MED14: variants seen among roughly 807,000 people sequenced by gnomAD.
MED14 encodes mediator complex subunit 14.
In MED14, 8 loss-of-function variants were observed where a neutral mutation model predicts 109.0. That is an observed-to-expected ratio of 0.07 (90% CI 0.04 to 0.13). The LOEUF is 0.13. MED14 is among the 10% of genes least tolerant of loss of function. MED14 has a pLI of 1.00. For synonymous variants in MED14, 399 were observed against 408.7 expected (o/e 0.98, Z 0.29); for missense variants, 711 against 1,142.4 (o/e 0.62, Z 5.44).
Position 40,713,801 on chromosome X carries a change from G to A in MED14, c.629C>T (p.Pro210Leu). The A allele has an allele frequency of 8.3e-7, 1 of 1,211,078 alleles. No homozygotes were observed. Among genetic ancestry groups the A allele is most frequent in the Non-Finnish European group, 1.1e-6 (1 of 895,003 alleles). Residue 210 changes from proline to leucine, a missense_variant, in exon 5 of 31, where the codon CCT becomes CTT. By Grantham distance (98) the Pro-to-Leu change is moderately conservative. This residue lies in a region of MED14 where 388 missense variants were observed against 517.3 expected (regional missense o/e 0.75). Transcript: ENST00000324817. ...ACCAACTGTAAGATTTGCTAACTGA[G>A]GAGGAAGATCTGTGGTTACAAGCCG... The part of the protein sequence containing the change: ...RHRLVTTDLP[P>L]QLANLTVANG...
At chrX:40,665,936 G>A (rs1049658096) in intron 24 of MED14, among the ~76,000 whole-genome samples, 4 of 112,136 alleles carry the variant, frequency 3.6e-5, no homozygotes, top group Admixed American at 2.8e-4. Context: ...CCAGACAAGC[G>A]GATATTATTA....
intron 1 of MED14, among the ~76,000 whole-genome samples, chrX:40,733,588 G>A (rs5918034): frequency 0.36 from 40,315 of 110,873 alleles, 7,730 homozygotes; most frequent in African/African-American, 0.75. Context: ...GCTTGGACCA[G>A]CACTTGGTGG....
At position 40,721,764 on chromosome X, in the gene MED14, C is replaced by T. The variant is rs1234630705; in HGVS notation, c.348+4982G>A. On this transcript the variant is annotated intron_variant, in intron 3 of 30. Transcript: ENST00000324817. ...CCTAGTGGTGGTGGCCATATGGGTG[C>T]TTACATCACCATACCCCCAGTTCCA... Among the ~76,000 whole-genome samples, 3 of 112,471 alleles carry T rather than the reference C, an allele frequency of 2.7e-5. No homozygotes were observed. The Admixed American group carries it at 2.8e-4, about 11-fold the overall frequency.
At chrX:40,672,156 C>T (rs1929751614) in intron 22 of MED14, among the ~76,000 whole-genome samples, 184 bp from the exon 23 acceptor site, 1 of 112,064 alleles carries the variant, frequency 8.9e-6, no homozygotes, top group South Asian at 3.7e-4. Flanking sequence ...TTATAAACCC[C>T]GACTTTCGAA....
At chrX:40,674,596 C>T (rs1569283286) in intron 22 of MED14, among the ~76,000 whole-genome samples, 1 of 111,858 alleles carries the variant, frequency 8.9e-6, no homozygotes, top group Non-Finnish European at 1.9e-5. Flanking sequence ...AGACTCCGGC[C>T]CAGAGTCTAC....
At chrX:40,727,871 T>C (rs917389992) in intron 2 of MED14, among the ~76,000 whole-genome samples, 2 of 111,583 alleles carry the variant, frequency 1.8e-5, no homozygotes, top group African/African-American at 6.5e-5. Context: ...AGTACAATCC[T>C]GACTGAAGGC....
At chrX:40,667,011 A>G (rs1929517923) in intron 23 of MED14, among the ~76,000 whole-genome samples, 160 bp from the exon 24 acceptor site, 2 of 112,164 alleles carry the variant, frequency 1.8e-5, no homozygotes, top group African/African-American at 3.2e-5. Context: ...TTATTGAAAG[A>G]GACTATTCAA....
chrX:40,679,546 C>A (rs1930038246), intron 21 of MED14, among the ~76,000 whole-genome samples: 1 of 111,740 alleles, frequency 8.9e-6, no homozygotes, highest in Non-Finnish European at 1.9e-5. Context: ...ATGACCAAAC[C>A]TTTTCAAAAA....
intron 23 of MED14, among the ~76,000 whole-genome samples, chrX:40,667,078 G>A (rs189994336): frequency 1.8e-5 from 2 of 111,336 alleles, no homozygotes; most frequent in East Asian, 5.6e-4. Flanking sequence ...AAAATCCGGT[G>A]TACTTTTTAT....
At chrX:40,664,212 A>G in intron 25 of MED14, 95 bp downstream of exon 25, 2 of 836,976 alleles carry the variant, frequency 2.4e-6, no homozygotes, top group Non-Finnish European at 3.4e-6. Context: ...TCCTCTCTCA[A>G]AAAGTAGGTC....
At chrX:40,735,657 C>G (rs1205585289), upstream of MED14, 6 of 490,337 alleles carry the variant, frequency 1.2e-5, no homozygotes, top group East Asian at 3.9e-5. Flanking sequence ...AGGGCGGCCC[C>G]GCAGAGGGGA....
At chrX:40,689,799 T>G (rs950200658) in intron 15 of MED14, among the ~76,000 whole-genome samples, 1 of 112,462 alleles carries the variant, frequency 8.9e-6, no homozygotes, top group Non-Finnish European at 1.9e-5. Flanking sequence ...GCTTTTATCT[T>G]TAACATAGCT....
intron 1 of MED14, among the ~76,000 whole-genome samples, chrX:40,734,005 C>T (rs765292072): frequency 8.9e-6 from 1 of 111,963 alleles, no homozygotes; most frequent in Non-Finnish European, 1.9e-5. Flanking sequence ...AAAAGACAAC[C>T]ACAATTCAAG....
At chrX:40,734,502 TA>T (rs956787505) in intron 1 of MED14, among the ~76,000 whole-genome samples, 17 of 112,648 alleles carry the variant, frequency 1.5e-4, no homozygotes, top group African/African-American at 5.5e-4. Flanking sequence ...ACCTGGGTTA[TA>T]AGATGTACAA....
intron 13 of MED14, among the ~76,000 whole-genome samples, chrX:40,695,867 T>C (rs1207697803): frequency 8.9e-6 from 1 of 112,267 alleles, no homozygotes; most frequent in Non-Finnish European, 1.9e-5. Context: ...AATAGTATCT[T>C]TTAAAAGTAC....
chrX:40,735,714 C>G (rs1384663051), upstream of MED14: 2 of 445,590 alleles, frequency 4.5e-6, no homozygotes, highest in Admixed American at 2.8e-5. Flanking sequence ...CAGACAGCCG[C>G]AACGTACATG....
rs893527242 is a variant in MED14, at chrX:40,712,784, C to A, written c.781+130G>T. 36 of 636,825 alleles carry A rather than the reference C, an allele frequency of 5.7e-5. No individual in the cohort carries two copies. In the African/African-American group the frequency reaches 7.0e-4, roughly 12 times the overall value. 52.5% of individuals were successfully genotyped at this position (636,825 alleles called of 1,213,427 possible). ...AAACTCCTGAGCTCAAGCGATCCAC[C>A]TGCCTTGGCCTCCCAAAGTAGTGGG... On this transcript the variant is annotated intron_variant, in intron 6 of 30. Coordinates refer to ENST00000324817, the MANE Select transcript of MED14 (RefSeq NM_004229.4).
At chrX:40,713,196 A>G (rs1931392971) in intron 5 of MED14, among the ~76,000 whole-genome samples, 154 bp from the exon 6 acceptor site, 1 of 112,135 alleles carries the variant, frequency 8.9e-6, no homozygotes, top group South Asian at 3.7e-4. Context: ...GTTCCTGAAT[A>G]AGAAGTAGCC....
intron 3 of MED14, among the ~76,000 whole-genome samples, chrX:40,723,667 GAAAAAAAAAAAAAA>G (rs56676419): frequency 5.6e-5 from 1 of 17,995 alleles, no homozygotes; most frequent in African/African-American, 2.6e-4. Flanking sequence ...CTCCGTCTCA[GAAAAAAAAAAAAAA>G]AAAAAAAAAA....
Sources: allele counts gnomAD v4.1 joint callset (sites outside exome capture counted in the v4.1 genomes callset), GRCh38; gene constraint gnomAD v4.1.1; regional missense constraint gnomAD v4.1.1; transcripts MANE v1.5; gene names NCBI Gene and HGNC (gene_info 2026-07-23, HGNC 2026-07-21).